GGACT: variants seen among roughly 807,000 people sequenced by gnomAD.
GGACT encodes the protein gamma-glutamylaminecyclotransferase.
For synonymous variants in GGACT, 118 were observed against 115.3 expected (o/e 1.02, Z -0.15); for missense variants, 241 against 233.2 (o/e 1.03, Z -0.22).
chr13:100,553,064 C>T (rs975514290), intron 2 of GGACT, among the ~76,000 whole-genome samples: 3 of 152,050 alleles, frequency 2.0e-5, no homozygotes, highest in Non-Finnish European at 2.9e-5. Context: ...GCAGGCAGGG[C>T]GAGGCAGGGC....
At chr13:100,548,983 C>T (rs1424403042) in intron 2 of GGACT, among the ~76,000 whole-genome samples, 1 of 152,214 alleles carries the variant, frequency 6.6e-6, no homozygotes, top group African/African-American at 2.4e-5. Flanking sequence ...AATACAACTG[C>T]AAGATGTCAA....
At position 100,532,029 on chromosome 13, in the gene GGACT, T is replaced by C. The variant is rs2088398085; in HGVS notation, c.*101A>G. The C allele has an allele frequency of 2.6e-6, 2 of 760,322 alleles. No individual in the cohort carries two copies. 47.1% of individuals were successfully genotyped at this position (760,322 alleles called of 1,614,324 possible). On this transcript the variant is annotated 3_prime_UTR_variant, in exon 3 of 3. Transcript: ENST00000683975. ...GATTGGTTCCTTTCCGGCAGATTCA[T>C]TGGAAAGGGCCCTGTTCGGCTTCCG... is the stretch of plus-strand genomic sequence containing the variant.
intron 2 of GGACT, among the ~76,000 whole-genome samples, chr13:100,542,592 T>C (rs2088565065): frequency 6.6e-6 from 1 of 152,184 alleles, no homozygotes; most frequent in South Asian, 2.1e-4. Flanking sequence ...TGTCGTTCCC[T>C]GATGCTGATG....
chr13:100,552,188 T>C (rs2088670733), intron 2 of GGACT, among the ~76,000 whole-genome samples: 1 of 152,200 alleles, frequency 6.6e-6, no homozygotes, highest in African/African-American at 2.4e-5. Flanking sequence ...ATGGGGGCTG[T>C]CAGGGGCTCT....
chr13:100,543,552 G>T (rs1200561790), intron 2 of GGACT, among the ~76,000 whole-genome samples: 1 of 152,110 alleles, frequency 6.6e-6, no homozygotes, highest in African/African-American at 2.4e-5. Flanking sequence ...GGTGCCTCAA[G>T]AAAATATTCA....
intron 2 of GGACT, among the ~76,000 whole-genome samples, chr13:100,566,528 A>T (rs1476300072): frequency 6.6e-6 from 1 of 152,188 alleles, no homozygotes; most frequent in East Asian, 1.9e-4. Context: ...TGACCCTGGG[A>T]CACTGCTGCC....
At position 100,532,346 on chromosome 13, in the gene GGACT, C is replaced by A; in HGVS notation, c.246G>T (p.Glu82Asp). ...ERMLRFLDDFESCPALYQRTV... is the reference protein window; with the variant it reads ...ERMLRFLDDFDSCPALYQRTV... ...TGCGCTGGTACAGGGCCGGGCAACT[C>A]TCGAAGTCATCCAGAAAGCGCAGCA... Residue 82 changes from glutamate (E) to aspartate (D), a missense_variant, in exon 3 of 3, where the codon GAG (glutamate) becomes GAT (aspartate). Glu to Asp is a conservative substitution (Grantham distance 45). Coordinates refer to ENST00000683975, the MANE Select transcript of GGACT (RefSeq NM_001195087.2). 1 of 1,550,644 alleles carries A rather than the reference C, an allele frequency of 6.4e-7. No homozygotes were observed.
At chr13:100,559,029 G>A (rs911192523) in intron 2 of GGACT, among the ~76,000 whole-genome samples, 2 of 152,152 alleles carry the variant, frequency 1.3e-5, no homozygotes, top group African/African-American at 4.8e-5. Context: ...ACCACTAATG[G>A]TTATGGAGTT....
chr13:100,532,537 C>T lies in GGACT; in HGVS notation c.55G>A (p.Val19Ile). 1.3e-6 allele frequency: 2 copies of T among 1,548,008 alleles called. No individual in the cohort carries two copies. The highest frequency in any genetic ancestry group is 1.7e-6 in the Non-Finnish European group (2 of 1,145,566). Residue 19 changes from valine to isoleucine, a missense_variant, in exon 3 of 3, where the codon GTC becomes ATC. By Grantham distance (29) the Val-to-Ile change is conservative. Coordinates refer to ENST00000683975, the MANE Select transcript of GGACT (RefSeq NM_001195087.2). ...TLKRGQPNHRVLRDGAHGSAA... is the reference protein window; with the variant it reads ...TLKRGQPNHRILRDGAHGSAA... ...GAGCCGTGGGCGCCGTCCCGCAGGA[C>T]CCTGTGGTTGGGCTGACCCCGCTTC...
intron 2 of GGACT, among the ~76,000 whole-genome samples, chr13:100,563,964 C>T (rs1019142719): frequency 6.6e-6 from 1 of 152,002 alleles, no homozygotes; most frequent in African/African-American, 2.4e-5. Flanking sequence ...CTACTGGGAA[C>T]CAAAAGACAG....
chr13:100,562,160 C>G (rs902656894), intron 2 of GGACT, among the ~76,000 whole-genome samples: 3 of 152,220 alleles, frequency 2.0e-5, no homozygotes, highest in Admixed American at 2.0e-4. Context: ...TGGAAGTACA[C>G]AGAAGTTGTG....
In GGACT at chr13:100,530,299, G is replaced by C; in HGVS notation, c.*1831C>G. 1.3e-6 allele frequency: 1 copy of C among 765,054 alleles called. No individual in the cohort carries two copies. The highest frequency in any genetic ancestry group is 2.3e-6 in the Non-Finnish European group (1 of 433,430). 47.4% of individuals were successfully genotyped at this position (765,054 alleles called of 1,614,324 possible). On this transcript the variant is annotated 3_prime_UTR_variant, in exon 3 of 3. Coordinates refer to ENST00000683975, the MANE Select transcript of GGACT (RefSeq NM_001195087.2). ...TTTACGTCGTCATTTATTCCACAGA[G>C]TCAAGACCAATATTCTGCCAAAAAA... is the stretch of plus-strand genomic sequence containing the variant.
chr13:100,580,666 C>A (rs535726225), intron 2 of GGACT, among the ~76,000 whole-genome samples: 1 of 152,336 alleles, frequency 6.6e-6, no homozygotes, highest in East Asian at 1.9e-4. Context: ...GCTGCCTTGG[C>A]TTAGGCAGAA....
chr13:100,582,907 T>C (rs1303070587), intron 2 of GGACT, among the ~76,000 whole-genome samples: 7 of 152,210 alleles, frequency 4.6e-5, no homozygotes, highest in Admixed American at 4.6e-4. Context: ...ATTAACATGA[T>C]ACCCTCCAGT....
In GGACT at chr13:100,532,077, C is replaced by T. The variant is rs2088399877; in HGVS notation, c.*53G>A. 4 of 1,308,332 alleles carry T rather than the reference C, an allele frequency of 3.1e-6. No individual in the cohort carries two copies. The highest frequency in any genetic ancestry group is 4.0e-6 in the Non-Finnish European group (4 of 987,670). 81.0% of individuals were successfully genotyped at this position (1,308,332 alleles called of 1,614,324 possible). On this transcript the variant is annotated 3_prime_UTR_variant, in exon 3 of 3. Transcript: ENST00000683975. ...CCGCCTTCACCCAGCATGGGCTGGGCGCATCTTGGAGCCCCAGGGCTCTCA... is the reference window on the plus strand; with the variant it reads ...CCGCCTTCACCCAGCATGGGCTGGGTGCATCTTGGAGCCCCAGGGCTCTCA...
At chr13:100,553,896 G>T (rs942591919) in intron 2 of GGACT, among the ~76,000 whole-genome samples, 2 of 151,416 alleles carry the variant, frequency 1.3e-5, no homozygotes, top group Non-Finnish European at 2.9e-5. Context: ...TGTGCCAGGG[G>T]CCAGGTACAC....
At chr13:100,569,993 C>T (rs1875033270) in intron 2 of GGACT, among the ~76,000 whole-genome samples, 1 of 152,222 alleles carries the variant, frequency 6.6e-6, no homozygotes, top group Non-Finnish European at 1.5e-5. Context: ...CTGCTATCAG[C>T]ATTTTGGACA....
At chr13:100,543,145 G>C (rs1251798954) in intron 2 of GGACT, among the ~76,000 whole-genome samples, 1 of 139,952 alleles carries the variant, frequency 7.1e-6, no homozygotes, top group East Asian at 2.4e-4. Context: ...GAAAGGGCTA[G>C]TGTTTAACTC....
At chr13:100,552,703 C>A (rs2088675769) in intron 2 of GGACT, among the ~76,000 whole-genome samples, 1 of 152,218 alleles carries the variant, frequency 6.6e-6, no homozygotes, top group African/African-American at 2.4e-5. Context: ...GACGTCCAGG[C>A]TGGCTGACAG....
Sources: allele counts gnomAD v4.1 joint callset (sites outside exome capture counted in the v4.1 genomes callset), GRCh38; gene constraint gnomAD v4.1.1; transcripts MANE v1.5; gene names NCBI Gene and HGNC (gene_info 2026-07-23, HGNC 2026-07-21).